The following GET3 variants were observed in gnomAD, a reference collection of about 807,000 sequenced individuals.
GET3 encodes the protein guided entry of tail-anchored proteins factor 3, ATPase, also known as ATPase GET3.
GET3 carries 15 observed loss-of-function variants against 32.4 expected under a neutral mutation model. That is an observed-to-expected ratio of 0.46 (90% confidence interval 0.31 to 0.71). GET3 has a LOEUF of 0.71. Ranked by LOEUF, GET3 falls within the 30% of genes least tolerant of loss-of-function variation. The probability of loss-of-function intolerance (pLI) is 0.05; values close to 1 mark genes in which losing one functional copy is unlikely to be tolerated. For synonymous variants in GET3, 198 were observed against 185.6 expected, an observed-to-expected ratio of 1.07 and a Z score of -0.54; for missense variants, 333 against 459.0, an observed-to-expected ratio of 0.73 and a Z score of 2.51.
chr19:12,742,454 G>A (rs1033542170), intron 2 of GET3, among the ~76,000 whole-genome samples: 7 of 151,020 alleles, frequency 4.6e-5, no homozygotes, highest in African/African-American at 1.5e-4. Flanking sequence ...TTATTCTGTC[G>A]CCCAGGATGG....
rs959851213 is a variant in GET3 at position 12,745,222 on chromosome 19, C to A, written c.310-155C>A. Among the ~76,000 whole-genome samples, 2 of 152,048 alleles carry A rather than the reference C, an allele frequency of 1.3e-5. No homozygotes were observed. Among genetic ancestry groups the A allele is most frequent in the Non-Finnish European group, 2.9e-5 (2 of 68,004 alleles). On this transcript the variant is annotated intron_variant, in intron 2 of 6. Transcript: ENST00000357332. This position sits in a 1 kb window ranked among gnomAD's most constrained non-coding sequence, Gnocchi z 5.0. ...CCTAAGTACTACCTCAGGGTCCCCC[C>A]AGCCGTGACCTAATGAAATGCCTGT... is the stretch of plus-strand genomic sequence containing the variant.
rs1394137743 is a variant in GET3 at position 12,737,636 on chromosome 19, G to A, written c.131G>A (p.Gly44Asp). The change falls in exon 1 of 7, where the codon GGC (glycine) becomes GAC (aspartate). Residue 44 changes from glycine (G) to aspartate (D), a missense_variant. By Grantham distance (94) the Gly-to-Asp change is moderately conservative. Coordinates refer to ENST00000357332, the MANE Select transcript of GET3 (RefSeq NM_004317.4). ...AGCCTGAAGTGGATCTTCGTCGGGG[G>A]CAAGGGTGGTGTGGGCAAGACCACC... ...QRSLKWIFVG[G>D]KGGVGKTTCS... 2.5e-6 allele frequency: 4 copies of A among 1,611,108 alleles called. No homozygotes were observed. The highest frequency in any genetic ancestry group is 3.4e-6 in the Non-Finnish European group (4 of 1,179,034).
intron 2 of GET3, among the ~76,000 whole-genome samples, chr19:12,741,911 T>C (rs1477747426): frequency 6.6e-6 from 1 of 152,170 alleles, no homozygotes; most frequent in African/African-American, 2.4e-5. Flanking sequence ...AGAGCGAGAC[T>C]CCGTCTCCAA....
In GET3 at chr19:12,742,135, G is replaced by A. The variant is rs568033178; in HGVS notation, c.310-3242G>A. ...AACAAAATTAGCTGGGCATGGTGGT[G>A]TGTGCCTATAGTCCCAGTAAGTTGG... On this transcript the variant is annotated intron_variant, in intron 2 of 6. Transcript: ENST00000357332. 1.5e-3 allele frequency among the ~76,000 whole-genome samples: 223 copies of A among 152,054 alleles called. 8 individuals carry two copies. The South Asian group carries it at 0.045, about 31-fold the overall frequency.
At position 12,747,339 on chromosome 19, in the gene GET3, G is replaced by A. The variant is rs1446321684; in HGVS notation, c.717+35G>A. ...GGTCTGGCTGGCGGTGAGAGGCCCG[G>A]GGGCTGAGGACAGGGGCAGACCCCG... On this transcript the variant is annotated intron_variant, in intron 5 of 6. Coordinates refer to ENST00000357332, the MANE Select transcript of GET3 (RefSeq NM_004317.4). The surrounding 1 kb of genome is among the most constrained non-coding windows in gnomAD (Gnocchi z 4.0). The A allele has an allele frequency of 6.2e-7, 1 of 1,610,726 alleles. No individual in the cohort carries two copies. Among genetic ancestry groups the A allele is most frequent in the African/African-American group, 1.3e-5 (1 of 74,978 alleles).
chr19:12,742,137 G>A (rs1253453309), intron 2 of GET3, among the ~76,000 whole-genome samples: 1 of 151,914 alleles, frequency 6.6e-6, no homozygotes, highest in African/African-American at 2.4e-5. Flanking sequence ...ATGGTGGTGT[G>A]TGCCTATAGT....
At chr19:12,739,509 G>A (rs1967627412) in intron 2 of GET3, among the ~76,000 whole-genome samples, 1 of 152,220 alleles carries the variant, frequency 6.6e-6, no homozygotes, top group Non-Finnish European at 1.5e-5. Flanking sequence ...ACTTGGGTGA[G>A]AAAAAGAAAT....
At position 12,748,197 on chromosome 19, in the gene GET3, A is replaced by C; in HGVS notation, c.*93A>C. Reference sequence around the variant, plus strand: ...GAGTTTGCACAAAGTCCCCCCCATAATACAGGGGGAGCCACTTGGGCAGGA... The same window carrying C: ...GAGTTTGCACAAAGTCCCCCCCATACTACAGGGGGAGCCACTTGGGCAGGA... On this transcript the variant is annotated 3_prime_UTR_variant, in exon 7 of 7. Coordinates refer to ENST00000357332, the MANE Select transcript of GET3 (RefSeq NM_004317.4). 5.0e-6 allele frequency: 6 copies of C among 1,205,458 alleles called. No homozygotes were observed. Among genetic ancestry groups the C allele is most frequent in the East Asian group, 2.9e-5 (1 of 35,042 alleles). The allele number at this position is 1,205,458 out of a possible 1,614,324, so 74.7% of individuals were successfully genotyped here.
Position 12,745,241 on chromosome 19 carries a change from T to C in GET3, c.310-136T>C, listed in dbSNP as rs7248582. ...TCCCCCCAGCCGTGACCTAATGAAA[T>C]GCCTGTGGTCACAGCCCACCACAGG... is the stretch of plus-strand genomic sequence containing the variant. On this transcript the variant is annotated intron_variant, in intron 2 of 6. Transcript: ENST00000357332. The surrounding 1 kb of genome is among the most constrained non-coding windows in gnomAD (Gnocchi z 5.0). 44,838 of 955,378 alleles carry C rather than the reference T, an allele frequency of 0.047. 8,301 individuals carry two copies. In the African/African-American group the frequency reaches 0.51, roughly 11 times the overall value. The allele number at this position is 955,378 out of a possible 1,614,324, so 59.2% of individuals were successfully genotyped here. A position where few individuals can be genotyped will look rare whatever the true frequency, so the allele number is the denominator to read the frequency against.
At chr19:12,743,345 G>A (rs979212575) in intron 2 of GET3, among the ~76,000 whole-genome samples, 6 of 151,858 alleles carry the variant, frequency 4.0e-5, no homozygotes, top group South Asian at 2.1e-4. Flanking sequence ...GGGTGGTGGC[G>A]CATGCCTGTA....
At position 12,748,000 on chromosome 19, in the gene GET3, A is replaced by G. The variant is rs773820370; in HGVS notation, c.943A>G (p.Ile315Val). Residue 315 changes from isoleucine to valine, a missense_variant, in exon 7 of 7, where the codon ATC becomes GTC. Ile to Val is a conservative substitution (Grantham distance 29). This residue lies in a region of GET3 where 230 missense variants were observed against 389.2 expected (regional missense o/e 0.59). Transcript: ENST00000357332. The surrounding 1 kb of genome is among the most constrained non-coding windows in gnomAD (Gnocchi z 4.0). ...GGAGGACCTGTATGAAGACTTCCAC[A>G]TCGTGAAGCTGCCGCTGTTACCCCA... ...QMEDLYEDFH[I>V]VKLPLLPHEV... 3.7e-6 allele frequency: 6 copies of G among 1,610,136 alleles called. No individual in the cohort carries two copies. Among genetic ancestry groups the G allele is most frequent in the South Asian group, 1.1e-5 (1 of 90,688 alleles).
At chr19:12,741,933 G>A (rs375848250) in intron 2 of GET3, among the ~76,000 whole-genome samples, 1 of 152,092 alleles carries the variant, frequency 6.6e-6, no homozygotes, top group Non-Finnish European at 1.5e-5. Flanking sequence ...AGGGTGAGGA[G>A]CAAGATGGGA....
intron 2 of GET3, among the ~76,000 whole-genome samples, chr19:12,741,635 T>C (rs949230034): frequency 2.6e-5 from 4 of 151,844 alleles, no homozygotes; most frequent in Admixed American, 6.6e-5. Context: ...GGCCGGCACC[T>C]GTAGTCCCAG....
Position 12,747,190 on chromosome 19 carries a change from C to T in GET3, c.610-7C>T, listed in dbSNP as rs201769353. 21 of 1,584,494 alleles carry T rather than the reference C, an allele frequency of 1.3e-5. No individual in the cohort carries two copies. The highest frequency in any genetic ancestry group is 1.2e-4 in the Admixed American group (7 of 56,136). ...AAGCTATGAGCCCTCCCACATCCCC[C>T]CTGCAGATGTGCAACATGCTGGGCC... On this transcript the variant is annotated splice_region_variant and splice_polypyrimidine_tract_variant and intron_variant, in intron 4 of 6. Coordinates refer to ENST00000357332, the MANE Select transcript of GET3 (RefSeq NM_004317.4). This position sits in a 1 kb window ranked among gnomAD's most constrained non-coding sequence, Gnocchi z 4.0.
chr19:12,737,686 G>T lies in GET3; in HGVS notation c.161+20G>T. ...CTGCAGGTAAGGAGGCTGCGGCGGGGGCCAGGAGGCGTGTAGGATATACCA... is the reference window on the plus strand; with the variant it reads ...CTGCAGGTAAGGAGGCTGCGGCGGGTGCCAGGAGGCGTGTAGGATATACCA... On this transcript the variant is annotated intron_variant, in intron 1 of 6. Transcript: ENST00000357332. 1 of 1,600,924 alleles carries T rather than the reference G, an allele frequency of 6.2e-7. No homozygotes were observed. Among genetic ancestry groups the T allele is most frequent in the South Asian group, 1.1e-5 (1 of 89,756 alleles).
intron 1 of GET3, among the ~76,000 whole-genome samples, 167 bp from the exon 2 acceptor site, chr19:12,738,344 G>A (rs1235554058): frequency 3.3e-5 from 5 of 152,066 alleles, no homozygotes; most frequent in African/African-American, 1.2e-4. Context: ...ATCAGAGAGG[G>A]TTCCTTTGTA....
intron 2 of GET3, among the ~76,000 whole-genome samples, chr19:12,744,103 C>T (rs182530084): frequency 1.4e-5 from 2 of 147,594 alleles, no homozygotes; most frequent in African/African-American, 5.0e-5. Flanking sequence ...ATAGTCTCAG[C>T]TACTCGGGAG....
intron 4 of GET3, among the ~76,000 whole-genome samples, chr19:12,746,184 G>A (rs1967768004): frequency 6.6e-6 from 1 of 152,186 alleles, no homozygotes. Context: ...CCAGGCTGGA[G>A]TGCAGTGGTG....
intron 1 of GET3, 145 bp downstream of exon 1, chr19:12,737,811 C>T: frequency 1.7e-6 from 2 of 1,145,168 alleles, no homozygotes; most frequent in South Asian, 1.7e-5. Context: ...TTACCTGGAG[C>T]AAATGAGAAA....
Sources: gnomAD v4.1 joint callset for allele counts (sites outside exome capture counted in the v4.1 genomes callset) on GRCh38, gnomAD v4.1.1 for gene constraint, gnomAD v4.1.1 regional missense constraint, Gnocchi (gnomAD v3.1) non-coding constraint, MANE v1.5 for transcripts, NCBI Gene and HGNC (gene_info 2026-07-23, HGNC 2026-07-21) for gene names.